The following MTMR7 variants were observed in gnomAD, a reference collection of about 807,000 sequenced individuals.
MTMR7 encodes the protein myotubularin related protein 7.
MTMR7 carries 76 observed loss-of-function variants against 81.2 expected under a neutral mutation model. That is an observed-to-expected ratio of 0.94 (90% confidence interval 0.78 to 1.13). The LOEUF (loss-of-function observed/expected upper bound fraction) is 1.13, where lower values mean the gene tolerates loss of function less well. Among genes scored for constraint, MTMR7 ranks in the 50% most tolerant of loss-of-function variants. The pLI, the probability that MTMR7 is intolerant of heterozygous loss-of-function variation, is 0.00. For missense variants in MTMR7, 1,044 were observed against 820.0 expected (o/e 1.27, Z -3.34); for synonymous variants, 372 against 289.8 (o/e 1.28, Z -2.88).
At chr8:17,382,691 T>A (rs1043651552) in intron 1 of MTMR7, among the ~76,000 whole-genome samples, 3 of 152,162 alleles carry the variant, frequency 2.0e-5, no homozygotes, top group Non-Finnish European at 4.4e-5. Context: ...GCCTGAGTGA[T>A]AAGGAGACCT....
intron 9 of MTMR7, among the ~76,000 whole-genome samples, chr8:17,310,447 G>T (rs2106016): frequency 6.6e-6 from 1 of 152,078 alleles, no homozygotes; most frequent in Non-Finnish European, 1.5e-5. Flanking sequence ...TCTTTGGGTT[G>T]TAAGTTTAAT....
At chr8:17,356,954 A>G (rs1479531617) in intron 4 of MTMR7, among the ~76,000 whole-genome samples, 2 of 152,206 alleles carry the variant, frequency 1.3e-5, no homozygotes, top group East Asian at 3.8e-4. Context: ...GCTCAAATCT[A>G]TATACTCTCT....
intron 12 of MTMR7, among the ~76,000 whole-genome samples, chr8:17,304,152 T>C (rs1244243943): frequency 1.3e-5 from 2 of 152,226 alleles, no homozygotes; most frequent in Non-Finnish European, 1.5e-5. Flanking sequence ...ATATCATTAT[T>C]ATAAAACATC....
At chr8:17,314,009 T>G (rs1012126479) in intron 7 of MTMR7, among the ~76,000 whole-genome samples, 4 of 152,186 alleles carry the variant, frequency 2.6e-5, no homozygotes, top group Non-Finnish European at 5.9e-5. Flanking sequence ...GGCTTTCCCT[T>G]TGAGTGAAAA....
intron 4 of MTMR7, among the ~76,000 whole-genome samples, chr8:17,351,286 C>T (rs940131705): frequency 3.9e-5 from 6 of 152,178 alleles, no homozygotes; most frequent in South Asian, 2.1e-4. Context: ...TTTCAGACAG[C>T]CTCTTTGAAG....
chr8:17,396,831 A>G (rs1409395964), intron 1 of MTMR7, among the ~76,000 whole-genome samples: 1 of 151,722 alleles, frequency 6.6e-6, no homozygotes, highest in African/African-American at 2.4e-5. Flanking sequence ...GCTTGAGGAG[A>G]GGAGAGCAAA....
chr8:17,336,587 T>A (rs1819243961), intron 6 of MTMR7, among the ~76,000 whole-genome samples: 1 of 152,030 alleles, frequency 6.6e-6, no homozygotes, highest in Non-Finnish European at 1.5e-5. Flanking sequence ...AAGAAAAACA[T>A]CCCACGTGAC....
intron 1 of MTMR7, among the ~76,000 whole-genome samples, chr8:17,399,830 A>G (rs998357453): frequency 1.1e-4 from 17 of 150,792 alleles, no homozygotes; most frequent in Admixed American, 2.0e-4. Context: ...AAATGTATAA[A>G]GAAAACATAG....
chr8:17,374,567 G>A (rs533756898), intron 1 of MTMR7, among the ~76,000 whole-genome samples: 55 of 152,254 alleles, frequency 3.6e-4, no homozygotes, highest in African/African-American at 1.2e-3. Context: ...GTTGCAGTGC[G>A]CTGAGATTGC....
chr8:17,383,979 G>A (rs532233911), intron 1 of MTMR7, among the ~76,000 whole-genome samples: 2 of 152,244 alleles, frequency 1.3e-5, no homozygotes, highest in East Asian at 3.9e-4. Context: ...TATGACAGGT[G>A]TCACTGTCTG....
intron 3 of MTMR7, among the ~76,000 whole-genome samples, chr8:17,367,035 T>C (rs1820249302): frequency 6.6e-6 from 1 of 152,108 alleles, no homozygotes; most frequent in African/African-American, 2.4e-5. Context: ...AATTAAATAT[T>C]AGGACTGTTA....
At chr8:17,341,573 G>C in intron 5 of MTMR7, 76 bp from the exon 6 acceptor site, 4 of 1,528,044 alleles carry the variant, frequency 2.6e-6, no homozygotes, top group Non-Finnish European at 3.5e-6. Context: ...TGTGTCTCCA[G>C]AACAAAGAGC....
chr8:17,343,965 C>T (rs560192766), intron 5 of MTMR7, among the ~76,000 whole-genome samples: 5 of 152,232 alleles, frequency 3.3e-5, no homozygotes, highest in South Asian at 4.1e-4. Flanking sequence ...AGTTGTAAAC[C>T]GGAAGGGATA....
chr8:17,402,126 G>C (rs368311393), intron 1 of MTMR7, among the ~76,000 whole-genome samples: 43 of 152,066 alleles, frequency 2.8e-4, no homozygotes, highest in East Asian at 2.7e-3. Flanking sequence ...CACATAGTAG[G>C]TCTATATATT....
intron 4 of MTMR7, among the ~76,000 whole-genome samples, chr8:17,354,479 A>G (rs1370857544): frequency 1.3e-5 from 2 of 152,242 alleles, no homozygotes. Flanking sequence ...GACTTAGACT[A>G]CCATAAGCAA....
intron 4 of MTMR7, among the ~76,000 whole-genome samples, chr8:17,350,895 T>A (rs180837414): frequency 7.2e-5 from 11 of 152,324 alleles, no homozygotes; most frequent in Admixed American, 1.3e-4. Flanking sequence ...GAGTTTAACA[T>A]GGCCTGTGGC....
intron 5 of MTMR7, among the ~76,000 whole-genome samples, chr8:17,344,326 A>C (rs540424274): frequency 6.6e-6 from 1 of 152,318 alleles, no homozygotes; most frequent in Admixed American, 6.5e-5. Flanking sequence ...AAGATACAGC[A>C]TAAAGCCAGG....
intron 4 of MTMR7, among the ~76,000 whole-genome samples, chr8:17,352,787 C>T (rs1819766564): frequency 6.6e-6 from 1 of 152,032 alleles, no homozygotes; most frequent in Admixed American, 6.6e-5. Flanking sequence ...AGAATGAAAA[C>T]ATAATAAAAC....
chr8:17,356,956 A>G (rs961475961), intron 4 of MTMR7, among the ~76,000 whole-genome samples: 11 of 152,220 alleles, frequency 7.2e-5, no homozygotes, highest in African/African-American at 2.7e-4. Context: ...TCAAATCTAT[A>G]TACTCTCTAG....
Sources: gnomAD v4.1 joint callset for allele counts (sites outside exome capture counted in the v4.1 genomes callset) on GRCh38, gnomAD v4.1.1 for gene constraint, MANE v1.5 for transcripts, NCBI Gene and HGNC (gene_info 2026-07-23, HGNC 2026-07-21) for gene names.